GRIP1: variants seen among roughly 807,000 people sequenced by gnomAD.
The protein encoded by GRIP1 is glutamate receptor interacting protein 1, also known as glutamate receptor-interacting protein 1.
A neutral mutation model predicts 129.9 loss-of-function variants in GRIP1; 45 were observed. The observed-to-expected ratio is 0.35, with a 90% CI of 0.27 to 0.44. The LOEUF (loss-of-function observed/expected upper bound fraction) is 0.44. GRIP1 is among the 20% of genes least tolerant of loss of function. The pLI is 1.00. For missense variants in GRIP1, 1,196 were observed against 1,396.8 expected (o/e 0.86, Z 2.29); for synonymous variants, 530 against 520.8 (o/e 1.02, Z -0.24).
chr12:66,550,755 C>T (rs1279182756), intron 2 of GRIP1, among the ~76,000 whole-genome samples: 1 of 152,170 alleles, frequency 6.6e-6, no homozygotes, highest in Non-Finnish European at 1.5e-5. Context: ...CGTATTCCTA[C>T]ACAATCATCT....
intron 4 of GRIP1, among the ~76,000 whole-genome samples, chr12:66,533,520 C>G (rs1272316791): frequency 6.6e-6 from 1 of 152,074 alleles, no homozygotes; most frequent in Non-Finnish European, 1.5e-5. Context: ...TGGTGGGCAC[C>G]TGTAATCCCA....
At chr12:66,571,815 A>T (rs1565873190) in intron 2 of GRIP1, among the ~76,000 whole-genome samples, 1 of 152,144 alleles carries the variant, frequency 6.6e-6, no homozygotes, top group African/African-American at 2.4e-5. Flanking sequence ...TACTAGCATG[A>T]CTGTCCTCAG....
intron 1 of GRIP1, among the ~76,000 whole-genome samples, chr12:66,827,387 T>TGAGAGA (rs112366252): frequency 0.031 from 3,320 of 108,184 alleles, 59 homozygotes; most frequent in Middle Eastern, 0.094. Context: ...TGTGTGTGTG[T>TGAGAGA]GAGAGAGAGA....
intron 19 of GRIP1, among the ~76,000 whole-genome samples, chr12:66,385,877 G>A (rs2056337489): frequency 6.6e-6 from 1 of 152,078 alleles, no homozygotes; most frequent in South Asian, 2.1e-4. Context: ...CCAAAGTGCT[G>A]GGATTACAGA....
At chr12:66,973,869 A>G (rs965037292) in intron 1 of GRIP1, among the ~76,000 whole-genome samples, 7 of 149,104 alleles carry the variant, frequency 4.7e-5, no homozygotes, top group African/African-American at 1.5e-4. Context: ...TGAATATTGA[A>G]CTCTAGAGTT....
At chr12:66,795,164 A>G (rs891459377) in intron 1 of GRIP1, among the ~76,000 whole-genome samples, 1 of 152,236 alleles carries the variant, frequency 6.6e-6, no homozygotes, top group Non-Finnish European at 1.5e-5. Flanking sequence ...AAAAACAAGT[A>G]TTAACCAGAG....
intron 15 of GRIP1, among the ~76,000 whole-genome samples, chr12:66,409,259 G>A (rs1472308533): frequency 6.6e-6 from 1 of 152,186 alleles, no homozygotes; most frequent in African/African-American, 2.4e-5. Context: ...AACCAGCATA[G>A]TCTCAGTGGT....
At chr12:66,461,787 C>T (rs1257141797) in intron 9 of GRIP1, among the ~76,000 whole-genome samples, 2 of 152,106 alleles carry the variant, frequency 1.3e-5, no homozygotes, top group Non-Finnish European at 2.9e-5. Context: ...GTGGGAGACA[C>T]AATACAAATG....
intron 23 of GRIP1, among the ~76,000 whole-genome samples, chr12:66,353,799 C>T (rs573780231): frequency 2.4e-4 from 37 of 152,328 alleles, no homozygotes; most frequent in African/African-American, 8.2e-4. Flanking sequence ...CGTCTGGGTC[C>T]TCCCTCCCTC....
At chr12:66,772,060 TG>T (rs5798835) in intron 1 of GRIP1, among the ~76,000 whole-genome samples, 7,888 of 152,300 alleles carry the variant, frequency 0.052, 371 homozygotes, top group South Asian at 0.13. Flanking sequence ...ATATTTTACA[TG>T]GTTATCTCAT....
chr12:66,486,344 A>G lies in GRIP1; in HGVS notation c.725-20922T>C, dbSNP rs375387885. On this transcript the variant is annotated intron_variant, in intron 7 of 24. Transcript: ENST00000359742. ...TCCAACTTAAATTTCTAGGGTCTCA[A>G]TGGTGTCCCATGTAGCCAAAGAATT... Among the ~76,000 whole-genome samples, 21 of 152,226 alleles carry G rather than the reference A, an allele frequency of 1.4e-4. No individual in the cohort carries two copies. The East Asian group carries it at 3.7e-3, about 27-fold the overall frequency.
At chr12:66,781,027 T>C (rs945567337) in intron 1 of GRIP1, among the ~76,000 whole-genome samples, 1 of 152,176 alleles carries the variant, frequency 6.6e-6, no homozygotes. Flanking sequence ...GCCAAGAGCA[T>C]GATAAAATGA....
chr12:67,049,911 A>G (rs1006296530), intron 1 of GRIP1, among the ~76,000 whole-genome samples: 1 of 108,024 alleles, frequency 9.3e-6, no homozygotes, highest in Non-Finnish European at 2.0e-5. Flanking sequence ...AATAATTGGT[A>G]AAAAAAAGTT....
chr12:66,464,933 ACTTT>A (rs1555189213), intron 8 of GRIP1, among the ~76,000 whole-genome samples: 4,484 of 127,986 alleles, frequency 0.035, 90 homozygotes, highest in Middle Eastern at 0.062. Flanking sequence ...GTAAAGGGGC[ACTTT>A]CTTTCTTTCT....
At chr12:67,044,272 C>A (rs181533256) in intron 1 of GRIP1, among the ~76,000 whole-genome samples, 8 of 152,174 alleles carry the variant, frequency 5.3e-5, no homozygotes, top group African/African-American at 1.9e-4. Context: ...GGATTTAATC[C>A]CAAGAACTTT....
chr12:66,644,658 ATAT>A (rs1460973477), intron 1 of GRIP1, among the ~76,000 whole-genome samples: 1 of 152,230 alleles, frequency 6.6e-6, no homozygotes, highest in Non-Finnish European at 1.5e-5. Context: ...ACCATGTCAA[ATAT>A]TATAATCAGA....
intron 1 of GRIP1, among the ~76,000 whole-genome samples, chr12:66,714,920 C>CATCCAATCCAATCCA (rs1555229372): frequency 3.8e-4 from 25 of 66,162 alleles, no homozygotes; most frequent in Admixed American, 3.4e-3. Context: ...TCCATCCATC[C>CATCCAATCCAATCCA]ATCCAATCCA....
intron 1 of GRIP1, among the ~76,000 whole-genome samples, chr12:66,798,579 G>T (rs1257037998): frequency 6.6e-6 from 1 of 152,102 alleles, no homozygotes; most frequent in African/African-American, 2.4e-5. Context: ...TATTGAAGAA[G>T]GACCTTCTAT....
At chr12:66,470,003 T>C (rs1018913301) in intron 7 of GRIP1, among the ~76,000 whole-genome samples, 8 of 152,160 alleles carry the variant, frequency 5.3e-5, no homozygotes, top group Non-Finnish European at 1.2e-4. Flanking sequence ...CAGATCCTTA[T>C]AAATTCCTCT....
Sources: gnomAD v4.1 joint callset for allele counts (sites outside exome capture counted in the v4.1 genomes callset) on GRCh38, gnomAD v4.1.1 for gene constraint, MANE v1.5 for transcripts, NCBI Gene and HGNC (gene_info 2026-07-23, HGNC 2026-07-21) for gene names.